The following RP1L1 variants were observed in gnomAD, a reference collection of about 807,000 sequenced individuals.
RP1L1 encodes the protein RP1 like 1.
RP1L1 carries 27 observed loss-of-function variants against 15.7 expected under a neutral mutation model. That is an observed-to-expected ratio of 1.72 (90% confidence interval 1.27 to 2.38). RP1L1 has a LOEUF of 2.38. Among genes scored for constraint, RP1L1 ranks in the 30% most tolerant of loss-of-function variants. RP1L1 has a pLI of 0.00. For synonymous variants in RP1L1, 1,813 were observed against 1,276.7 expected (o/e 1.42, Z -8.96); for missense variants, 4,798 against 3,075.9 (o/e 1.56, Z -13.24).
chr8:10,634,971 G>C (rs945399526), intron 1 of RP1L1, among the ~76,000 whole-genome samples: 1 of 152,290 alleles, frequency 6.6e-6, no homozygotes, highest in Admixed American at 6.5e-5. Flanking sequence ...CACAACCCTA[G>C]GAGAGTGCTG....
At chr8:10,618,736 G>A (rs1482335711) in intron 2 of RP1L1, among the ~76,000 whole-genome samples, 1 of 152,144 alleles carries the variant, frequency 6.6e-6, no homozygotes, top group Non-Finnish European at 1.5e-5. Context: ...AGTAATATCA[G>A]CTACCTTGTG....
At chr8:10,645,471 C>T (rs1163290191) in intron 1 of RP1L1, among the ~76,000 whole-genome samples, 2 of 152,204 alleles carry the variant, frequency 1.3e-5, no homozygotes, top group African/African-American at 2.4e-5. Context: ...CAGTCTTCAA[C>T]ACCAAATAGA....
chr8:10,628,821 A>T (rs1308659544), intron 1 of RP1L1, among the ~76,000 whole-genome samples: 1 of 152,192 alleles, frequency 6.6e-6, no homozygotes, highest in African/African-American at 2.4e-5. Context: ...AAAAAACAAA[A>T]CAAAAACAAG....
chr8:10,619,660 C>G (rs1218369599), intron 2 of RP1L1, among the ~76,000 whole-genome samples: 1 of 152,114 alleles, frequency 6.6e-6, no homozygotes, highest in Non-Finnish European at 1.5e-5. Flanking sequence ...GGCACAGTGG[C>G]TCACACCTGT....
At chr8:10,639,968 G>A (rs1205573177) in intron 1 of RP1L1, among the ~76,000 whole-genome samples, 1 of 152,148 alleles carries the variant, frequency 6.6e-6, no homozygotes, top group Non-Finnish European at 1.5e-5. Context: ...TACGATATAT[G>A]CAATCTATTT....
At chr8:10,633,393 G>C (rs762707623) in intron 1 of RP1L1, among the ~76,000 whole-genome samples, 3 of 151,582 alleles carry the variant, frequency 2.0e-5, no homozygotes, top group Non-Finnish European at 4.4e-5. Flanking sequence ...AAGGACAAAG[G>C]GTAGATCTGG....
chr8:10,610,231 C>T lies in RP1L1; in HGVS notation c.3867G>A (p.Leu1289=), dbSNP rs745877623. ...GCACTGTGTTTTCAGCTAACTGCTC[C>T]AGGTTCGAGCTCGCCCTCTGCTCCT... is the stretch of plus-strand genomic sequence containing the variant. ...DSEEQRASSN[L]EQLAENTVQE... Residue 1289 remains leucine (L), a synonymous_variant, in exon 4 of 4, where the codon CTG becomes CTA. Coordinates refer to ENST00000382483, the MANE Select transcript of RP1L1 (RefSeq NM_178857.6). 5 of 1,609,700 alleles carry T rather than the reference C, an allele frequency of 3.1e-6. No individual in the cohort carries two copies. The highest frequency in any genetic ancestry group is 4.2e-6 in the Non-Finnish European group (5 of 1,178,354).
Position 10,617,057 on chromosome 8 carries a change from G to C in RP1L1, c.610-470C>G, listed in dbSNP as rs552099122. ...TTTTCTGGTACAGTCTGAGTCTGTT[G>C]CCTCTGCCCAAGTGGAGGGGAGAGG... On this transcript the variant is annotated intron_variant, in intron 2 of 3. Coordinates refer to ENST00000382483, the MANE Select transcript of RP1L1 (RefSeq NM_178857.6). Among the ~76,000 whole-genome samples, 6 of 152,230 alleles carry C rather than the reference G, an allele frequency of 3.9e-5. No individual in the cohort carries two copies. In the South Asian group the frequency reaches 1.2e-3, roughly 32 times the overall value.
chr8:10,635,178 A>G (rs1263734878), intron 1 of RP1L1, among the ~76,000 whole-genome samples: 1 of 152,086 alleles, frequency 6.6e-6, no homozygotes, highest in Non-Finnish European at 1.5e-5. Flanking sequence ...GTCCTTGAGG[A>G]AGTCACTTTA....
rs755028192 is a variant in RP1L1, at chr8:10,610,120, T to TC, written c.3977_3978insG (p.Thr1327AsnfsTer16). On this transcript the variant is annotated frameshift_variant, in exon 4 of 4. Coordinates refer to ENST00000382483, the MANE Select transcript of RP1L1 (RefSeq NM_178857.6). LOFTEE classifies it low-confidence loss of function (END_TRUNC). Reference sequence around the variant, plus strand: ...CCTCTTCTTGCAGCCCTTCTTCTGTTTTAGTTTCCTCTAACTGCACCGCCT... The same window carrying TC: ...CCTCTTCTTGCAGCCCTTCTTCTGTTCTTAGTTTCCTCTAACTGCACCGCCT... 6.9e-7 allele frequency: 1 copy of TC among 1,439,052 alleles called. No homozygotes were observed. The highest frequency in any genetic ancestry group is 1.7e-5 in the African/African-American group (1 of 58,810). 89.1% of individuals were successfully genotyped at this position (1,439,052 alleles called of 1,614,324 possible).
chr8:10,614,268 A>G (rs1457473217), intron 3 of RP1L1, among the ~76,000 whole-genome samples: 1 of 152,202 alleles, frequency 6.6e-6, no homozygotes, highest in African/African-American at 2.4e-5. Context: ...GCTGCAGGGA[A>G]GGACCTGGGC....
Position 10,612,748 on chromosome 8 carries a change from C to T in RP1L1, c.1350G>A (p.Gln450=), listed in dbSNP as rs781011572. ...TGCTGGAGGCTGGGCTGGCACTGTC[C>T]TGGCTGCATCTCTCCCTCCCGGCAG... ...HGTAGRERCS[Q]DSASPASSTG... is the part of the protein sequence containing the mutation. The change falls in exon 4 of 4, where the codon CAG becomes CAA. Residue 450 remains glutamine, a synonymous_variant. Transcript: ENST00000382483. 5.0e-6 allele frequency: 8 copies of T among 1,608,146 alleles called. No homozygotes were observed. In the South Asian group the frequency reaches 8.8e-5, roughly 18 times the overall value.
chr8:10,652,543 T>C (rs1798578187), intron 1 of RP1L1, among the ~76,000 whole-genome samples: 1 of 152,168 alleles, frequency 6.6e-6, no homozygotes, highest in African/African-American at 2.4e-5. Context: ...CTTGGAAAGC[T>C]TCAATGACTC....
rs1400955154 is a variant in RP1L1 at position 10,609,910 on chromosome 8, C to T, written c.4188G>A (p.Glu1396=). 5 of 1,592,404 alleles carry T rather than the reference C, an allele frequency of 3.1e-6. No individual in the cohort carries two copies. Among genetic ancestry groups the T allele is most frequent in the Admixed American group, 1.7e-5 (1 of 58,852 alleles). ...CGCTTCCTTCTTCTGGAAGTCCTTC[C>T]TCTTTGAGACCCTCTTCAAGAGCCT... is the stretch of plus-strand genomic sequence containing the variant. The part of the protein sequence containing the change: ...QGEALEEGLK[E]EGLPEEGSVH... Residue 1396 remains glutamate (E), a synonymous_variant, in exon 4 of 4, where the codon GAG becomes GAA. Coordinates refer to ENST00000382483, the MANE Select transcript of RP1L1 (RefSeq NM_178857.6).
chr8:10,630,989 C>G (rs572310134), intron 1 of RP1L1, among the ~76,000 whole-genome samples: 1 of 152,182 alleles, frequency 6.6e-6, no homozygotes, highest in Non-Finnish European at 1.5e-5. Context: ...CAGGTAGAGT[C>G]TTGCTCGAGT....
At chr8:10,622,141 G>A (rs1485175039) in intron 2 of RP1L1, among the ~76,000 whole-genome samples, 1 of 151,826 alleles carries the variant, frequency 6.6e-6, no homozygotes, top group Non-Finnish European at 1.5e-5. Flanking sequence ...GACCAACATG[G>A]AGAAACCCTG....
At position 10,639,251 on chromosome 8, in the gene RP1L1, C is replaced by T. The variant is rs556747402; in HGVS notation, c.-20+15647G>A. The stretch of plus-strand genomic sequence containing the variant: ...AAAACCCCGTCAACAGTGGGAAAGG[C>T]TCATGCATCAGAGAGAGAAAGACAC... On this transcript the variant is annotated intron_variant, in intron 1 of 3. Transcript: ENST00000382483. 2.0e-5 allele frequency among the ~76,000 whole-genome samples: 3 copies of T among 152,290 alleles called. No homozygotes were observed. The East Asian group carries it at 5.8e-4, about 29-fold the overall frequency.
chr8:10,612,496 G>A lies in RP1L1; in HGVS notation c.1602C>T (p.Asp534=). 2 of 1,612,442 alleles carry A rather than the reference G, an allele frequency of 1.2e-6. No individual in the cohort carries two copies. The highest frequency in any genetic ancestry group is 8.5e-7 in the Non-Finnish European group (1 of 1,179,984). Residue 534 remains aspartate, a synonymous_variant, in exon 4 of 4, where the codon GAC becomes GAT. Transcript: ENST00000382483. ...CATGAGAGCCGGTGCTGGCTGACGA[G>A]TCCGAAGAAGCCCCCTCCTCACTCC... The part of the protein sequence containing the change: ...RARSEEGASS[D]SSASTGSHEG...
rs760447634 is a variant in RP1L1 at position 10,616,580 on chromosome 8, G to A, written c.617C>T (p.Ser206Leu). 2.9e-5 allele frequency: 47 copies of A among 1,611,720 alleles called. No homozygotes were observed. Among genetic ancestry groups the A allele is most frequent in the Admixed American group, 3.3e-5 (2 of 59,994 alleles). The change falls in exon 3 of 4, where the codon TCG becomes TTG. Residue 206 changes from serine to leucine, a missense_variant. By Grantham distance (145) the Ser-to-Leu change is moderately radical. Transcript: ENST00000382483. The part of the protein sequence containing the change: ...LYTTSGKKVD[S>L]LQALLHSPSV... ...GGGGCTGTGCAGCAGGGCCTGCAGC[G>A]AGTCCACCTGAGGGAGGAGCGGGCG...
Sources: allele counts gnomAD v4.1 joint callset (sites outside exome capture counted in the v4.1 genomes callset), GRCh38; gene constraint gnomAD v4.1.1; transcripts MANE v1.5; gene names NCBI Gene and HGNC (gene_info 2026-07-23, HGNC 2026-07-21).